ARMC3: variants seen among roughly 807,000 people sequenced by gnomAD.
The protein encoded by ARMC3 is armadillo repeat-containing protein 3.
Under a neutral mutation model 90.3 loss-of-function variants are expected in ARMC3, and 74 were observed. The ratio of observed to expected loss-of-function variants is 0.82; its 90% CI spans 0.68 to 0.99. The LOEUF is 0.99. Ranked by LOEUF, ARMC3 falls within the 50% of genes least tolerant of loss-of-function variation. The pLI is 0.00. For missense variants in ARMC3, 958 were observed against 1,042.8 expected (o/e 0.92, Z 1.12); for synonymous variants, 334 against 361.8 (o/e 0.92, Z 0.87).
chr10:23,037,455 G>A lies in ARMC3; in HGVS notation c.2595G>A (p.Glu865=), dbSNP rs1475327318. The change falls in exon 19 of 19, where the codon GAG becomes GAA. Residue 865 remains glutamate, a synonymous_variant. Coordinates refer to ENST00000298032, the MANE Select transcript of ARMC3 (RefSeq NM_173081.5). ...GACTGATGAAGTTGAGAAGTCGAGA[G>A]GCTGATCTTTACAGATTCATTTAAG... ...PGGLMKLRSR[E]ADLYRFI The A allele has an allele frequency of 5.5e-5, 88 of 1,613,774 alleles. No homozygotes were observed. The highest frequency in any genetic ancestry group is 7.4e-5 in the Non-Finnish European group (87 of 1,179,890).
chr10:23,037,369 G>C lies in ARMC3; in HGVS notation c.2509G>C (p.Val837Leu). ...GCTGCAGAATGACTCTCGGAAGGGA[G>C]TGATTGGGGGCCTCCCCGCTCCTGA... ...VMLQNDSRKGVIGGLPAPEMY... is the reference protein window; with the variant it reads ...VMLQNDSRKGLIGGLPAPEMY... The change falls in exon 19 of 19, where the codon GTG becomes CTG. Residue 837 changes from valine to leucine, a missense_variant. Physicochemically the swap from Val to Leu is conservative, Grantham distance 32. Transcript: ENST00000298032. 1 of 1,614,030 alleles carries C rather than the reference G, an allele frequency of 6.2e-7. No homozygotes were observed. Among genetic ancestry groups the C allele is most frequent in the African/African-American group, 1.3e-5 (1 of 75,044 alleles).
chr10:22,961,950 T>C lies in ARMC3; in HGVS notation c.604T>C (p.Ser202Pro), dbSNP rs1835215886. ...ACCTCCTATCTTAGATCTCTTGAAG[T>C]CAGAATATCCAGTGATTCAGTTGTT... Reference protein sequence around the residue: ...AIPPILDLLKSEYPVIQLLAL... With the variant: ...AIPPILDLLKPEYPVIQLLAL... Residue 202 changes from serine to proline, a missense_variant, in exon 7 of 19, where the codon TCA (serine) becomes CCA (proline). Ser to Pro is a moderately conservative substitution (Grantham distance 74). Coordinates refer to ENST00000298032, the MANE Select transcript of ARMC3 (RefSeq NM_173081.5). 6.2e-7 allele frequency: 1 copy of C among 1,612,550 alleles called. No individual in the cohort carries two copies. Among genetic ancestry groups the C allele is most frequent in the Admixed American group, 1.7e-5 (1 of 59,614 alleles).
chr10:22,938,124 C>T (rs1205632500), intron 2 of ARMC3, among the ~76,000 whole-genome samples: 1 of 152,100 alleles, frequency 6.6e-6, no homozygotes. Flanking sequence ...GAATCTTGGG[C>T]AGGCCTTCTT....
intron 2 of ARMC3, among the ~76,000 whole-genome samples, chr10:22,934,255 TATTAGG>T (rs1433718774): frequency 6.6e-6 from 1 of 152,206 alleles, no homozygotes; most frequent in Non-Finnish European, 1.5e-5. Context: ...AAAGTGTTGG[TATTAGG>T]ATTAGAACAA....
At chr10:23,002,987 T>C (rs1837383336) in intron 12 of ARMC3, among the ~76,000 whole-genome samples, 1 of 152,266 alleles carries the variant, frequency 6.6e-6, no homozygotes, top group Non-Finnish European at 1.5e-5. Context: ...TAATTTTGTT[T>C]TTAGATGAAC....
Position 22,972,025 on chromosome 10 carries a change from A to G in ARMC3, c.916+3536A>G, listed in dbSNP as rs186509405. Among the ~76,000 whole-genome samples the G allele has an allele frequency of 4.7e-3, 720 of 152,198 alleles. 9 individuals carry two copies. The highest frequency in any genetic ancestry group is 0.016 in the African/African-American group (685 of 41,530). On this transcript the variant is annotated intron_variant, in intron 8 of 18. Transcript: ENST00000298032. The stretch of plus-strand genomic sequence containing the variant: ...AGACATCTATTCAAGTCCTTCTCCC[A>G]TTTTTTGATTGGGTTGTTTTCTTGA...
Position 23,017,163 on chromosome 10 carries a change from A to G in ARMC3, c.2045+8232A>G, listed in dbSNP as rs183606208. ...TTGCTTAGAGATTTTATTAGAATGC[A>G]TGGTGGGTGCATTCAATGATACATG... On this transcript the variant is annotated intron_variant, in intron 16 of 18. Transcript: ENST00000298032. 8.5e-5 allele frequency among the ~76,000 whole-genome samples: 13 copies of G among 152,232 alleles called. No homozygotes were observed. In the East Asian group the frequency reaches 2.3e-3, roughly 27 times the overall value.
chr10:23,020,382 G>A (rs934893031), intron 16 of ARMC3, among the ~76,000 whole-genome samples: 5 of 152,148 alleles, frequency 3.3e-5, no homozygotes, highest in South Asian at 2.1e-4. Context: ...TGATCCACTC[G>A]CCTTGGACTC....
chr10:22,928,311 G>C (rs1703288172), intron 1 of ARMC3, among the ~76,000 whole-genome samples: 2 of 152,164 alleles, frequency 1.3e-5, no homozygotes, highest in African/African-American at 4.8e-5. Flanking sequence ...CCATTCAACA[G>C]GTGACAAAAC....
intron 8 of ARMC3, among the ~76,000 whole-genome samples, chr10:22,970,604 G>T (rs1256007576): frequency 6.6e-6 from 1 of 152,224 alleles, no homozygotes; most frequent in Non-Finnish European, 1.5e-5. Flanking sequence ...CCAAAAGGGG[G>T]TTGCTGTAGT....
At chr10:22,971,580 A>G (rs1180932082) in intron 8 of ARMC3, among the ~76,000 whole-genome samples, 2 of 151,404 alleles carry the variant, frequency 1.3e-5, no homozygotes, top group African/African-American at 4.9e-5. Context: ...AGCTGGGACT[A>G]CAGGCACGCA....
intron 8 of ARMC3, among the ~76,000 whole-genome samples, chr10:22,974,176 C>G (rs1835816729): frequency 6.6e-6 from 1 of 151,996 alleles, no homozygotes; most frequent in South Asian, 2.1e-4. Context: ...ATTAAGATTA[C>G]CATGTATTAT....
intron 10 of ARMC3, among the ~76,000 whole-genome samples, chr10:22,993,147 C>T (rs1245907265): frequency 3.3e-5 from 5 of 152,176 alleles, no homozygotes; most frequent in Admixed American, 2.6e-4. Context: ...CCCAAGGTCA[C>T]CCTTGATTCA....
chr10:22,968,308 A>G lies in ARMC3; in HGVS notation c.735A>G (p.Glu245=), dbSNP rs1226267518. 1 of 1,613,102 alleles carries G rather than the reference A, an allele frequency of 6.2e-7. No homozygotes were observed. Among genetic ancestry groups the G allele is most frequent in the South Asian group, 1.1e-5 (1 of 91,012 alleles). ...GTTGTATTTGCTTTTATTATTAGGA[A>G]TTGAATGACCTTCATATAGAAGCAC... ...DHLIKILETK[E]LNDLHIEALA... The change falls in exon 8 of 19, where the codon GAA becomes GAG. Residue 245 remains glutamate, a splice_region_variant and synonymous_variant. Transcript: ENST00000298032.
At chr10:22,966,469 T>C (rs1473510589) in intron 7 of ARMC3, among the ~76,000 whole-genome samples, 1 of 152,248 alleles carries the variant, frequency 6.6e-6, no homozygotes, top group African/African-American at 2.4e-5. Context: ...CACGCATGTA[T>C]AGTTTAGTAG....
At chr10:23,021,250 T>C (rs904788355) in intron 16 of ARMC3, among the ~76,000 whole-genome samples, 2 of 152,244 alleles carry the variant, frequency 1.3e-5, no homozygotes, top group Non-Finnish European at 2.9e-5. Flanking sequence ...GTATTTGCTA[T>C]CGTGAATAGT....
intron 14 of ARMC3, 57 bp from the exon 15 acceptor site, chr10:23,008,219 C>CGA: frequency 4.4e-6 from 4 of 899,716 alleles, no homozygotes; most frequent in Non-Finnish European, 6.6e-6. Context: ...TGGAATAAAA[C>CGA]CATCTGTTGA....
chr10:22,945,934 T>C (rs1834508927), intron 2 of ARMC3, among the ~76,000 whole-genome samples: 1 of 152,222 alleles, frequency 6.6e-6, no homozygotes, highest in South Asian at 2.1e-4. Context: ...CATTTGGCTC[T>C]TCCCACCATA....
In ARMC3 at chr10:23,007,001, G is replaced by C; in HGVS notation, c.1829+20G>C. ...TTACGTGTGAGTCTCTGCAGGGAGA[G>C]GGGATGAAGGGAAGCACATACTGCT... is the stretch of plus-strand genomic sequence containing the variant. On this transcript the variant is annotated intron_variant, in intron 14 of 18. Coordinates refer to ENST00000298032, the MANE Select transcript of ARMC3 (RefSeq NM_173081.5). 2 of 1,554,442 alleles carry C rather than the reference G, an allele frequency of 1.3e-6. No homozygotes were observed. Among genetic ancestry groups the C allele is most frequent in the East Asian group, 4.5e-5 (2 of 44,410 alleles).
Sources: allele counts gnomAD v4.1 joint callset (sites outside exome capture counted in the v4.1 genomes callset), GRCh38; gene constraint gnomAD v4.1.1; transcripts MANE v1.5; gene names NCBI Gene and HGNC (gene_info 2026-07-23, HGNC 2026-07-21).